Variants in NIPBL observed in about 807,000 individuals in gnomAD.
NIPBL encodes NIPBL cohesin loading factor, also known as nipped-B-like protein.
In NIPBL, 19 loss-of-function variants were observed where a neutral mutation model predicts 321.8. That is an observed-to-expected ratio of 0.06 (90% CI 0.04 to 0.09). NIPBL has a LOEUF of 0.09. Ranked by LOEUF, NIPBL falls within the 10% of genes least tolerant of loss-of-function variation. NIPBL has a pLI of 1.00. For synonymous variants in NIPBL, 1,106 were observed against 1,114.1 expected (o/e 0.99, Z 0.14); for missense variants, 2,210 against 3,327.0 (o/e 0.66, Z 8.26).
intron 1 of NIPBL, among the ~76,000 whole-genome samples, chr5:36,929,652 T>TGACC (rs1427524603): frequency 6.6e-5 from 10 of 152,264 alleles, no homozygotes; most frequent in African/African-American, 1.9e-4. Flanking sequence ...GAACTCTGCC[T>TGACC]GACCTAAGGT....
chr5:36,883,377 C>T (rs1290252324), intron 1 of NIPBL, among the ~76,000 whole-genome samples: 1 of 151,672 alleles, frequency 6.6e-6, no homozygotes, highest in Non-Finnish European at 1.5e-5. Flanking sequence ...TATATATATA[C>T]TTTTGCCTCT....
chr5:36,966,885 C>T (rs1742268301), intron 6 of NIPBL, among the ~76,000 whole-genome samples: 2 of 151,392 alleles, frequency 1.3e-5, no homozygotes, highest in South Asian at 2.1e-4. Flanking sequence ...AAAACGTGGG[C>T]GAATTTTTGG....
Position 36,975,852 on chromosome 5 carries a change from G to T in NIPBL, c.945G>T (p.Leu315Phe). ...CTCGAGATGTTCCACCAGATATCTT[G>T]CTAGATTCTCCAGAAAGAAAACAAA... ...SSPRDVPPDI[L>F]LDSPERKQKK... The change falls in exon 9 of 47, where the codon TTG (leucine) becomes TTT (phenylalanine). Residue 315 changes from leucine (L) to phenylalanine (F), a missense_variant. Leu to Phe is a conservative substitution (Grantham distance 22). Coordinates refer to ENST00000282516, the MANE Select transcript of NIPBL (RefSeq NM_133433.4). 6.2e-7 allele frequency: 1 copy of T among 1,612,268 alleles called. No homozygotes were observed. The highest frequency in any genetic ancestry group is 8.5e-7 in the Non-Finnish European group (1 of 1,179,352).
chr5:36,924,868 G>C (rs1749230467), intron 1 of NIPBL, among the ~76,000 whole-genome samples: 1 of 152,066 alleles, frequency 6.6e-6, no homozygotes, highest in Non-Finnish European at 1.5e-5. Flanking sequence ...AATAATTCCT[G>C]GGGGCCTCTA....
Position 37,049,310 on chromosome 5 carries a change from G to A in NIPBL, c.6954+9G>A. The A allele has an allele frequency of 6.2e-7, 1 of 1,613,726 alleles. No individual in the cohort carries two copies. Among genetic ancestry groups the A allele is most frequent in the Non-Finnish European group, 8.5e-7 (1 of 1,179,734 alleles). On this transcript the variant is annotated intron_variant, in intron 40 of 46. Transcript: ENST00000282516. ...TTATTCATCCAGTTCAGGTAAGCAT[G>A]TTTTATGGCAGCAGCACTTACTAAA...
At chr5:36,898,731 G>A (rs550772435) in intron 1 of NIPBL, among the ~76,000 whole-genome samples, 2 of 152,092 alleles carry the variant, frequency 1.3e-5, no homozygotes, top group Non-Finnish European at 2.9e-5. Context: ...GGCTGGTCTC[G>A]AACTCCCGAC....
chr5:37,058,192 C>T (rs912680831), intron 43 of NIPBL, among the ~76,000 whole-genome samples: 1 of 152,158 alleles, frequency 6.6e-6, no homozygotes, highest in Admixed American at 6.5e-5. Flanking sequence ...TCTGCATCTT[C>T]AACAAAATCC....
At chr5:36,974,047 A>C (rs1743178714) in intron 8 of NIPBL, among the ~76,000 whole-genome samples, 1 of 152,198 alleles carries the variant, frequency 6.6e-6, no homozygotes, top group South Asian at 2.1e-4. Context: ...TGAAAGAGAG[A>C]AAAACTTCCA....
chr5:36,938,181 A>C (rs293776), intron 1 of NIPBL, among the ~76,000 whole-genome samples: 3 of 152,164 alleles, frequency 2.0e-5, no homozygotes, highest in Admixed American at 1.3e-4. Flanking sequence ...TTGTGCCTCT[A>C]TTGTCTCCAA....
chr5:36,932,092 T>C (rs1161481549), intron 1 of NIPBL, among the ~76,000 whole-genome samples: 3 of 152,162 alleles, frequency 2.0e-5, no homozygotes, highest in African/African-American at 4.8e-5. Flanking sequence ...TTTAATTTTA[T>C]TCTTTTGTTG....
In NIPBL at chr5:36,975,839, C is replaced by T. The variant is rs1474532522; in HGVS notation, c.932C>T (p.Pro311Leu). 6.2e-7 allele frequency: 1 copy of T among 1,612,840 alleles called. No homozygotes were observed. The highest frequency in any genetic ancestry group is 8.5e-7 in the Non-Finnish European group (1 of 1,179,584). Residue 311 changes from proline to leucine, a missense_variant, in exon 9 of 47, where the codon CCA becomes CTA. Pro to Leu is a moderately conservative substitution (Grantham distance 98). Around this residue, in one of 14 missense-constraint regions of NIPBL, gnomAD observed 464 missense variants for 529.5 expected, o/e 0.88. Transcript: ENST00000282516. ...SLPCSSPRDV[P>L]PDILLDSPER... is the part of the protein sequence containing the mutation. ...CCTTGTTCATCACCTCGAGATGTTC[C>T]ACCAGATATCTTGCTAGATTCTCCA...
intron 1 of NIPBL, among the ~76,000 whole-genome samples, chr5:36,920,803 A>G (rs554666656): frequency 1.0e-3 from 158 of 150,562 alleles, no homozygotes; most frequent in African/African-American, 3.8e-3. Context: ...GTCACCTTAC[A>G]TATCTTCTTC....
chr5:36,919,267 G>T (rs554971166), intron 1 of NIPBL, among the ~76,000 whole-genome samples: 4 of 152,090 alleles, frequency 2.6e-5, no homozygotes, highest in Non-Finnish European at 4.4e-5. Flanking sequence ...AAGTAGGAAA[G>T]GTGTATCTTC....
intron 1 of NIPBL, among the ~76,000 whole-genome samples, chr5:36,924,437 A>G (rs1197592554): frequency 2.0e-5 from 3 of 152,102 alleles, no homozygotes; most frequent in Non-Finnish European, 4.4e-5. Flanking sequence ...ATTTGAATTC[A>G]TATTCTGATT....
At chr5:37,030,265 C>T (rs1003552620) in intron 32 of NIPBL, among the ~76,000 whole-genome samples, 6 of 152,084 alleles carry the variant, frequency 3.9e-5, no homozygotes, top group African/African-American at 1.2e-4. Context: ...GCTCTCTATT[C>T]TATGCTTTCC....
chr5:37,033,730 A>ATATATATATATT (rs775482943), intron 32 of NIPBL, among the ~76,000 whole-genome samples: 1 of 21,518 alleles, frequency 4.6e-5, no homozygotes, highest in Non-Finnish European at 7.8e-5. Context: ...ATATATATAT[A>ATATATATATATT]TTTTTTTTTT....
chr5:36,929,867 T>A (rs1373943045), intron 1 of NIPBL, among the ~76,000 whole-genome samples: 3 of 152,086 alleles, frequency 2.0e-5, no homozygotes, highest in Non-Finnish European at 4.4e-5. Flanking sequence ...TTTGTGGGCA[T>A]CTTTGTGAAA....
intron 1 of NIPBL, among the ~76,000 whole-genome samples, chr5:36,882,758 T>G (rs1365290403): frequency 1.3e-5 from 2 of 151,952 alleles, no homozygotes; most frequent in Non-Finnish European, 2.9e-5. Context: ...TAATACAATT[T>G]TTGGTGAAAG....
At position 36,944,124 on chromosome 5, in the gene NIPBL, G is replaced by GT. The variant is rs1028845275; in HGVS notation, c.-79-9487dup. 3.3e-5 allele frequency among the ~76,000 whole-genome samples: 5 copies of GT among 152,104 alleles called. No homozygotes were observed. In the South Asian group the frequency reaches 6.2e-4, roughly 19 times the overall value. On this transcript the variant is annotated intron_variant, in intron 1 of 46. Transcript: ENST00000282516. Reference sequence around the variant, plus strand: ...CATAGGGGTCAAGATAAATGGTGGGGTTTTTTTGTGTTTTGTTTTTATTGG... The same window carrying GT: ...CATAGGGGTCAAGATAAATGGTGGGGTTTTTTTTGTGTTTTGTTTTTATTGG...
Sources: gnomAD v4.1 joint callset for allele counts (sites outside exome capture counted in the v4.1 genomes callset) on GRCh38, gnomAD v4.1.1 for gene constraint, gnomAD v4.1.1 regional missense constraint, MANE v1.5 for transcripts, NCBI Gene and HGNC (gene_info 2026-07-23, HGNC 2026-07-21) for gene names.